The following AFF1 variants were observed in gnomAD, a reference collection of about 807,000 sequenced individuals.
AFF1 encodes the protein ALF transcription elongation factor 1.
A neutral mutation model predicts 121.7 loss-of-function variants in AFF1; 48 were observed. The ratio of observed to expected loss-of-function variants is 0.39; its 90% CI spans 0.31 to 0.50. AFF1 has a LOEUF of 0.50. Ranked by LOEUF, AFF1 falls within the 20% of genes least tolerant of loss-of-function variation. The probability of loss-of-function intolerance (pLI) is 0.76; values close to 1 mark genes in which losing one functional copy is unlikely to be tolerated. For synonymous variants in AFF1, 613 were observed against 563.0 expected (o/e 1.09, Z -1.26); for missense variants, 1,523 against 1,511.7 (o/e 1.01, Z -0.12).
intron 4 of AFF1, among the ~76,000 whole-genome samples, chr4:87,069,001 G>T (rs780124248): frequency 1.3e-5 from 2 of 152,190 alleles, no homozygotes; most frequent in Non-Finnish European, 2.9e-5. Context: ...TGGGGAGGAT[G>T]GAGGGTAGGG....
At chr4:87,117,759 CAT>C (rs1187793518) in intron 12 of AFF1, among the ~76,000 whole-genome samples, 4 of 152,212 alleles carry the variant, frequency 2.6e-5, no homozygotes, top group Admixed American at 6.5e-5. Flanking sequence ...GTCAGAGAAT[CAT>C]GTGTCGTTTG....
Position 86,949,723 on chromosome 4 carries a change from C to A in AFF1, c.38+1152C>A, listed in dbSNP as rs375936025. On this transcript the variant is annotated intron_variant, in intron 2 of 20. Transcript: ENST00000395146. Reference sequence around the variant, plus strand: ...GGGGCGGGTAGTCCCGGAACTCCTTCAGGTAGCTGCGGTGCTTGCCCTTGG... The same window carrying A: ...GGGGCGGGTAGTCCCGGAACTCCTTAAGGTAGCTGCGGTGCTTGCCCTTGG... The A allele has an allele frequency of 7.5e-5, 120 of 1,592,992 alleles. No individual in the cohort carries two copies. The East Asian group carries it at 1.0e-3, about 14-fold the overall frequency.
intron 2 of AFF1, chr4:86,949,974 C>G (rs956239152): frequency 2.4e-5 from 39 of 1,613,982 alleles, no homozygotes; most frequent in Non-Finnish European, 2.6e-5. Context: ...GAGAAGTTGC[C>G]GAGCTGGCAG....
intron 4 of AFF1, among the ~76,000 whole-genome samples, chr4:87,069,053 C>T (rs766431291): frequency 1.3e-5 from 2 of 152,064 alleles, no homozygotes; most frequent in African/African-American, 4.8e-5. Context: ...GTTGATGTGT[C>T]TTGTTTCTCT....
intron 2 of AFF1, among the ~76,000 whole-genome samples, chr4:87,009,761 G>A (rs1726543634): frequency 6.6e-6 from 1 of 152,188 alleles, no homozygotes; most frequent in Admixed American, 6.5e-5. Flanking sequence ...AAACTCTAAA[G>A]CTGGGCCACG....
At chr4:87,102,144 A>G (rs1417893307) in intron 8 of AFF1, among the ~76,000 whole-genome samples, 1 of 152,254 alleles carries the variant, frequency 6.6e-6, no homozygotes, top group African/African-American at 2.4e-5. Context: ...AACCAAATGT[A>G]AAATGTGATT....
chr4:87,051,388 C>A (rs1731235689), intron 4 of AFF1, among the ~76,000 whole-genome samples: 2 of 151,132 alleles, frequency 1.3e-5, no homozygotes, highest in African/African-American at 2.4e-5. Flanking sequence ...TTTTATCTTT[C>A]ATCATTCCTC....
chr4:87,059,060 C>G (rs1720457836), intron 4 of AFF1, among the ~76,000 whole-genome samples: 1 of 152,192 alleles, frequency 6.6e-6, no homozygotes, highest in South Asian at 2.1e-4. Context: ...GTTCCCACTC[C>G]TCCTCCAGGG....
chr4:87,097,816 G>C (rs1041050538), intron 8 of AFF1, among the ~76,000 whole-genome samples: 2 of 152,180 alleles, frequency 1.3e-5, no homozygotes, highest in Non-Finnish European at 2.9e-5. Context: ...TTTTAATGGA[G>C]ATTAGAAGAA....
In AFF1 at chr4:87,126,203, G is replaced by C. The variant is rs766928029; in HGVS notation, c.2678G>C (p.Arg893Thr). ...KPAKPALKRS[R>T]READTCGQDP... Reference sequence around the variant, plus strand: ...GCCAAGCCTGCACTTAAGAGGTCAAGGCGGGAAGCAGACACCTGTGGCCAG... The same window carrying C: ...GCCAAGCCTGCACTTAAGAGGTCAACGCGGGAAGCAGACACCTGTGGCCAG... Residue 893 changes from arginine (R) to threonine (T), a missense_variant, in exon 14 of 21, where the codon AGG becomes ACG. Around this residue, in one of 5 missense-constraint regions of AFF1, gnomAD observed 905 missense variants for 842.5 expected, o/e 1.07. Coordinates refer to ENST00000395146, the MANE Select transcript of AFF1 (RefSeq NM_001166693.3). 11 of 1,614,126 alleles carry C rather than the reference G, an allele frequency of 6.8e-6. No homozygotes were observed. The highest frequency in any genetic ancestry group is 9.3e-6 in the Non-Finnish European group (11 of 1,180,024).
intron 6 of AFF1, among the ~76,000 whole-genome samples, chr4:87,091,186 C>T (rs1267418957): frequency 6.6e-6 from 1 of 151,896 alleles, no homozygotes; most frequent in Non-Finnish European, 1.5e-5. Context: ...GGGTGGATCA[C>T]GAGGTCAGGA....
In AFF1 at chr4:87,127,010, G is replaced by T; in HGVS notation, c.2812-16G>T. Reference sequence around the variant, plus strand: ...AATGTTAGAGTGTAATCTGTATATTGATTTTTTTTTTGAAGGGTTCTTCCG... The same window carrying T: ...AATGTTAGAGTGTAATCTGTATATTTATTTTTTTTTTGAAGGGTTCTTCCG... On this transcript the variant is annotated splice_polypyrimidine_tract_variant and intron_variant, in intron 14 of 20. Coordinates refer to ENST00000395146, the MANE Select transcript of AFF1 (RefSeq NM_001166693.3). The T allele has an allele frequency of 6.6e-7, 1 of 1,512,096 alleles. No individual in the cohort carries two copies. The highest frequency in any genetic ancestry group is 1.1e-5 in the South Asian group (1 of 87,132). 93.7% of individuals were successfully genotyped at this position (1,512,096 alleles called of 1,614,324 possible).
intron 4 of AFF1, among the ~76,000 whole-genome samples, chr4:87,081,113 C>T (rs1225913399): frequency 6.6e-6 from 1 of 150,636 alleles, no homozygotes. Flanking sequence ...TGTGGGAAAT[C>T]CTCCTACTGG....
intron 2 of AFF1, among the ~76,000 whole-genome samples, chr4:86,954,527 A>G (rs1721603733): frequency 6.6e-6 from 1 of 152,164 alleles, no homozygotes; most frequent in South Asian, 2.1e-4. Context: ...TTCATTCGAG[A>G]CCAGCCTGGG....
intron 8 of AFF1, among the ~76,000 whole-genome samples, chr4:87,100,740 A>G (rs970274880): frequency 1.3e-5 from 2 of 152,298 alleles, no homozygotes; most frequent in South Asian, 2.1e-4. Flanking sequence ...TTGAATACCT[A>G]TATACAGTAT....
In AFF1 at chr4:87,074,138, G is replaced by GA. The variant is rs892073229; in HGVS notation, c.1060-9970dup. On this transcript the variant is annotated intron_variant, in intron 4 of 20. Coordinates refer to ENST00000395146, the MANE Select transcript of AFF1 (RefSeq NM_001166693.3). ...TGCTTTGCAAATTGATAGTCCCACT[G>GA]AAAAAAAAAAAATTAAATTCTTCCG... 4.2e-3 allele frequency among the ~76,000 whole-genome samples: 605 copies of GA among 144,820 alleles called. 1 individual carries two copies. The highest frequency in any genetic ancestry group is 0.018 in the Middle Eastern group (5 of 282).
chr4:86,950,781 G>C (rs953179621), intron 2 of AFF1, among the ~76,000 whole-genome samples: 3 of 152,172 alleles, frequency 2.0e-5, no homozygotes, highest in African/African-American at 4.8e-5. Context: ...TAGAGCCTGG[G>C]GGAAAGCTGT....
intron 2 of AFF1, among the ~76,000 whole-genome samples, chr4:86,994,420 G>GAT (rs1724957337): frequency 6.6e-6 from 1 of 152,198 alleles, no homozygotes; most frequent in African/African-American, 2.4e-5. Flanking sequence ...TGTGGATCTG[G>GAT]ATCAGAGTCC....
intron 12 of AFF1, among the ~76,000 whole-genome samples, chr4:87,116,339 C>T (rs1463717498): frequency 6.6e-6 from 1 of 151,952 alleles, no homozygotes; most frequent in Non-Finnish European, 1.5e-5. Context: ...TTTTGAATCA[C>T]TTGAGTTCCT....
Sources: gnomAD v4.1 joint callset for allele counts (sites outside exome capture counted in the v4.1 genomes callset) on GRCh38, gnomAD v4.1.1 for gene constraint, gnomAD v4.1.1 regional missense constraint, MANE v1.5 for transcripts, NCBI Gene and HGNC (gene_info 2026-07-23, HGNC 2026-07-21) for gene names.